Variants in MMP16 observed in about 807,000 individuals in gnomAD.
The protein encoded by MMP16 is matrix metallopeptidase 16, also known as matrix metalloproteinase-16.
A neutral mutation model predicts 67.8 loss-of-function variants in MMP16; 12 were observed. That is an observed-to-expected ratio of 0.18 (90% CI 0.11 to 0.29). The LOEUF (loss-of-function observed/expected upper bound fraction) is 0.29. Among genes scored for constraint, MMP16 ranks in the 10% least tolerant of loss-of-function variants. MMP16 has a pLI of 1.00. For missense variants in MMP16, 475 were observed against 765.7 expected (o/e 0.62, Z 4.48); for synonymous variants, 249 against 255.9 (o/e 0.97, Z 0.26).
rs193235661 is a variant in MMP16, at chr8:88,091,550, T to A, written c.1084-16807A>T. Reference sequence around the variant, plus strand: ...CAAATGAAAAGGTGACTAATTCATTTACACACACAAACACACACACTCACA... The same window carrying A: ...CAAATGAAAAGGTGACTAATTCATTAACACACACAAACACACACACTCACA... On this transcript the variant is annotated intron_variant, in intron 6 of 9. Coordinates refer to ENST00000286614, the MANE Select transcript of MMP16 (RefSeq NM_005941.5). Among the ~76,000 whole-genome samples, 17 of 150,648 alleles carry A rather than the reference T, an allele frequency of 1.1e-4. No homozygotes were observed. The East Asian group carries it at 3.0e-3, about 27-fold the overall frequency.
intron 1 of MMP16, among the ~76,000 whole-genome samples, chr8:88,222,893 T>A (rs1809707867): frequency 6.6e-6 from 1 of 152,060 alleles, no homozygotes; most frequent in African/African-American, 2.4e-5. Context: ...GAAACTACCA[T>A]CAGGGTGAAC....
At chr8:88,158,371 G>C (rs1302627885) in intron 4 of MMP16, among the ~76,000 whole-genome samples, 1 of 152,172 alleles carries the variant, frequency 6.6e-6, no homozygotes, top group Non-Finnish European at 1.5e-5. Context: ...ATTTTAAGTG[G>C]TGTGAGATGG....
chr8:88,320,001 T>C (rs1811433749), intron 1 of MMP16, among the ~76,000 whole-genome samples: 1 of 152,200 alleles, frequency 6.6e-6, no homozygotes, highest in Non-Finnish European at 1.5e-5. Context: ...AAGCTTATAA[T>C]ATTTTAATTA....
chr8:88,195,670 T>A (rs1293641013), intron 2 of MMP16, among the ~76,000 whole-genome samples: 2 of 152,132 alleles, frequency 1.3e-5, no homozygotes, highest in Non-Finnish European at 2.9e-5. Context: ...ATTGCAGTGA[T>A]TAGAGGGCAG....
At chr8:88,043,020 TTAATGAAGG>T (rs1278016531) in intron 9 of MMP16, among the ~76,000 whole-genome samples, 6 of 152,230 alleles carry the variant, frequency 3.9e-5, no homozygotes, top group Admixed American at 1.3e-4. Context: ...TTTATAATCG[TTAATGAAGG>T]TAATATTTTT....
chr8:88,047,336 T>C (rs1460806231), intron 8 of MMP16, among the ~76,000 whole-genome samples: 3 of 152,174 alleles, frequency 2.0e-5, no homozygotes, highest in African/African-American at 4.8e-5. Context: ...GTGGCTCTCA[T>C]TGATCTCACA....
chr8:88,195,896 T>G (rs1290465831), intron 2 of MMP16, among the ~76,000 whole-genome samples: 1 of 152,214 alleles, frequency 6.6e-6, no homozygotes, highest in Admixed American at 6.5e-5. Context: ...AAGGTTTTCC[T>G]GTGTTGATAA....
intron 3 of MMP16, among the ~76,000 whole-genome samples, chr8:88,181,826 T>C (rs1045999169): frequency 6.6e-6 from 1 of 151,942 alleles, no homozygotes; most frequent in Non-Finnish European, 1.5e-5. Context: ...CAAATACATA[T>C]ATCAAAGGAA....
At chr8:88,215,544 T>A (rs1404338726) in intron 1 of MMP16, among the ~76,000 whole-genome samples, 1 of 151,772 alleles carries the variant, frequency 6.6e-6, no homozygotes, top group Non-Finnish European at 1.5e-5. Context: ...AAAGAACAGG[T>A]TGAGATATTC....
chr8:88,188,978 G>A (rs1388895726), intron 2 of MMP16, among the ~76,000 whole-genome samples: 1 of 152,084 alleles, frequency 6.6e-6, no homozygotes, highest in East Asian at 1.9e-4. Flanking sequence ...TTTTAGGGAG[G>A]AATATTAGAT....
chr8:88,079,505 T>C (rs1182797221), intron 6 of MMP16, among the ~76,000 whole-genome samples: 2 of 152,106 alleles, frequency 1.3e-5, no homozygotes, highest in Non-Finnish European at 2.9e-5. Flanking sequence ...ATATCCTCCA[T>C]GGGTAAGAGG....
rs538318400 is a variant in MMP16, at chr8:88,217,220, T to C, written c.133-19914A>G. Among the ~76,000 whole-genome samples, 7 of 152,216 alleles carry C rather than the reference T, an allele frequency of 4.6e-5. No homozygotes were observed. The East Asian group carries it at 1.3e-3, about 29-fold the overall frequency. ...GCTGCTTTAAATAGATAATGGTATT[T>C]AGAAACCAAGATCCAGGCAAAAAGT... is the stretch of plus-strand genomic sequence containing the variant. On this transcript the variant is annotated intron_variant, in intron 1 of 9. Coordinates refer to ENST00000286614, the MANE Select transcript of MMP16 (RefSeq NM_005941.5).
At chr8:88,229,002 TA>T (rs60354360) in intron 1 of MMP16, among the ~76,000 whole-genome samples, 1,479 of 144,938 alleles carry the variant, frequency 0.01, 8 homozygotes, top group Non-Finnish European at 0.016. Flanking sequence ...TCTATGAAAA[TA>T]AAAAAAAAAA....
intron 4 of MMP16, among the ~76,000 whole-genome samples, chr8:88,144,327 T>C (rs541469726): frequency 2.0e-5 from 3 of 151,892 alleles, no homozygotes; most frequent in African/African-American, 2.4e-5. Flanking sequence ...GCAGTTGGCA[T>C]ACAAAAAGAA....
chr8:88,131,451 A>G (rs976591972), intron 4 of MMP16, among the ~76,000 whole-genome samples: 1 of 151,784 alleles, frequency 6.6e-6, no homozygotes, highest in African/African-American at 2.4e-5. Flanking sequence ...GAATTTTAAT[A>G]ACATACAGCA....
intron 6 of MMP16, among the ~76,000 whole-genome samples, chr8:88,098,528 G>A (rs1421383127): frequency 6.6e-6 from 1 of 151,960 alleles, no homozygotes; most frequent in African/African-American, 2.4e-5. Context: ...CCACATATCA[G>A]AGGGCAAAAG....
intron 1 of MMP16, among the ~76,000 whole-genome samples, chr8:88,302,272 T>C (rs1457962096): frequency 2.6e-5 from 4 of 152,178 alleles, no homozygotes; most frequent in Admixed American, 2.6e-4. Context: ...GTGGAAGAAG[T>C]TGCCAGAGGG....
In MMP16 at chr8:88,064,552, T is replaced by C. The variant is rs114944805; in HGVS notation, c.1223-8274A>G. ...CATAGGATGCTAACTTAATGCTCGC[T>C]TGGAATTCGGGAAATAATGAGAGAT... On this transcript the variant is annotated intron_variant, in intron 7 of 9. Transcript: ENST00000286614. Among the ~76,000 whole-genome samples the C allele has an allele frequency of 3.4e-3, 512 of 152,162 alleles. 5 individuals are homozygous for C. The highest frequency in any genetic ancestry group is 0.011 in the African/African-American group (475 of 41,546).
chr8:88,324,525 T>C (rs1811508762), intron 1 of MMP16, among the ~76,000 whole-genome samples: 1 of 152,178 alleles, frequency 6.6e-6, no homozygotes, highest in Admixed American at 6.5e-5. Flanking sequence ...CCCTGAAGCT[T>C]TGTTCCAACT....
Sources: gnomAD v4.1 joint callset for allele counts (sites outside exome capture counted in the v4.1 genomes callset) on GRCh38, gnomAD v4.1.1 for gene constraint, MANE v1.5 for transcripts, NCBI Gene and HGNC (gene_info 2026-07-23, HGNC 2026-07-21) for gene names.